RELCH: variants seen among roughly 807,000 people sequenced by gnomAD.
RELCH encodes RAB11-binding protein RELCH.
RELCH carries 41 observed loss-of-function variants against 150.3 expected under a neutral mutation model. The ratio of observed to expected loss-of-function variants is 0.27; its 90% CI spans 0.21 to 0.35. The LOEUF (loss-of-function observed/expected upper bound fraction) is 0.35, where lower values mean the gene tolerates loss of function less well. Among genes scored for constraint, RELCH ranks in the 10% least tolerant of loss-of-function variants. RELCH has a pLI of 1.00. For missense variants in RELCH, 1,092 were observed against 1,467.8 expected, an observed-to-expected ratio of 0.74 and a Z score of 4.18; for synonymous variants, 478 against 531.8, an observed-to-expected ratio of 0.90 and a Z score of 1.39.
At chr18:62,258,208 T>C (rs2043082119) in intron 14 of RELCH, 120 bp downstream of exon 14, 3 of 966,868 alleles carry the variant, frequency 3.1e-6, no homozygotes, top group Non-Finnish European at 4.5e-6. Flanking sequence ...ATGTCAACTT[T>C]AGTCATCTGG....
chr18:62,306,616 G>C lies in RELCH; in HGVS notation c.*1082G>C, dbSNP rs2045886107. ...TTAAAGTCAGTGACCTCCTGTGTTT[G>C]ATGTATATTACATAGAGTCTTAAGT... On this transcript the variant is annotated 3_prime_UTR_variant, in exon 29 of 29. Coordinates refer to ENST00000644646, the MANE Select transcript of RELCH (RefSeq NM_001346231.2). The C allele has an allele frequency of 6.6e-6, 1 of 152,552 alleles. No individual in the cohort carries two copies. The highest frequency in any genetic ancestry group is 2.4e-5 in the African/African-American group (1 of 41,426). The allele number at this position is 152,552 out of a possible 1,614,324, so 9.4% of individuals were successfully genotyped here.
chr18:62,231,605 TTACTC>T (rs2041583432), intron 9 of RELCH, among the ~76,000 whole-genome samples: 1 of 152,088 alleles, frequency 6.6e-6, no homozygotes, highest in Non-Finnish European at 1.5e-5. Context: ...TTTATTTAAA[TTACTC>T]TATTATTTTC....
chr18:62,215,074 A>C (rs1054316520), intron 2 of RELCH, among the ~76,000 whole-genome samples: 1 of 152,142 alleles, frequency 6.6e-6, no homozygotes, highest in African/African-American at 2.4e-5. Context: ...CTTTACATGG[A>C]CAGGCTGCAG....
chr18:62,284,505 C>T (rs1262194618), intron 25 of RELCH: 1 of 152,176 alleles, frequency 6.6e-6, no homozygotes, highest in Non-Finnish European at 1.5e-5. Flanking sequence ...TAAAAATTAG[C>T]CTTTTTTTCC....
intron 12 of RELCH, among the ~76,000 whole-genome samples, chr18:62,253,537 A>T (rs1240342390): frequency 1.3e-5 from 2 of 152,120 alleles, no homozygotes; most frequent in Non-Finnish European, 1.5e-5. Flanking sequence ...CCTTAAAAAG[A>T]TGTGTTTCCT....
chr18:62,222,819 G>T (rs1382911218), intron 5 of RELCH, among the ~76,000 whole-genome samples: 21 of 151,940 alleles, frequency 1.4e-4, no homozygotes. Context: ...CATATTATGG[G>T]TTATAAAACA....
Position 62,187,509 on chromosome 18 carries a change from G to C in RELCH, c.4G>C (p.Ala2Pro). Residue 2 changes from alanine to proline, a missense_variant, in exon 1 of 29, where the codon GCG becomes CCG. By Grantham distance (27) the Ala-to-Pro change is conservative (BLOSUM62 -1). Around this residue, in one of 4 missense-constraint regions of RELCH, gnomAD observed 138 missense variants for 124.8 expected, o/e 1.11. Transcript: ENST00000644646. M[A>P]AMAPGGSGSG... Reference sequence around the variant, plus strand: ...CCCACACTCCTGACAGGATAAGATGGCGGCGATGGCGCCTGGAGGTAGTGG... The same window carrying C: ...CCCACACTCCTGACAGGATAAGATGCCGGCGATGGCGCCTGGAGGTAGTGG... The C allele has an allele frequency of 6.6e-7, 1 of 1,513,738 alleles. No individual in the cohort carries two copies. Among genetic ancestry groups the C allele is most frequent in the Non-Finnish European group, 8.8e-7 (1 of 1,131,654 alleles). The allele number at this position is 1,513,738 out of a possible 1,614,324, so 93.8% of individuals were successfully genotyped here. A position where few individuals can be genotyped will look rare whatever the true frequency, so the allele number is the denominator to read the frequency against.
chr18:62,188,029 T>C lies in RELCH; in HGVS notation c.524T>C (p.Leu175Pro). The C allele has an allele frequency of 6.4e-7, 1 of 1,558,602 alleles. No individual in the cohort carries two copies. Among genetic ancestry groups the C allele is most frequent in the Non-Finnish European group, 8.7e-7 (1 of 1,152,412 alleles). The change falls in exon 1 of 29, where the codon CTC becomes CCC. Residue 175 changes from leucine (L) to proline (P), a missense_variant and splice_region_variant. By Grantham distance (98) the Leu-to-Pro change is moderately conservative. Coordinates refer to ENST00000644646, the MANE Select transcript of RELCH (RefSeq NM_001346231.2). The part of the protein sequence containing the change: ...EPSTASGGGQ[L>P]NRAGSISTLD... ...AGTACAGCGTCGGGCGGGGGACAGC[T>C]CAGTAAGTGGACGCAGCCTGTCACA...
intron 5 of RELCH, among the ~76,000 whole-genome samples, chr18:62,226,288 A>C (rs1229448528): frequency 6.6e-6 from 1 of 152,098 alleles, no homozygotes; most frequent in African/African-American, 2.4e-5. Context: ...TTCTCTACAG[A>C]ATGCTTAAGT....
chr18:62,256,240 T>C (rs74881139), intron 13 of RELCH, among the ~76,000 whole-genome samples: 1 of 152,118 alleles, frequency 6.6e-6, no homozygotes, highest in Non-Finnish European at 1.5e-5. Context: ...GACTTGGGTA[T>C]GTGGCAGACA....
chr18:62,277,313 C>A (rs765932082), intron 22 of RELCH, among the ~76,000 whole-genome samples: 1 of 152,040 alleles, frequency 6.6e-6, no homozygotes, highest in Non-Finnish European at 1.5e-5. Context: ...TGTTGATGAA[C>A]TTCTGGATCT....
intron 1 of RELCH, among the ~76,000 whole-genome samples, chr18:62,198,027 T>G (rs1416336805): frequency 6.6e-6 from 1 of 152,308 alleles, no homozygotes; most frequent in South Asian, 2.1e-4. Context: ...AGCCAGATAG[T>G]ACAAAATTGA....
intron 19 of RELCH, 70 bp from the exon 20 acceptor site, chr18:62,268,799 T>C: frequency 1.4e-6 from 1 of 736,738 alleles, no homozygotes; most frequent in Non-Finnish European, 2.1e-6. Context: ...TTAAATATAA[T>C]CGCATTATGA....
Position 62,298,859 on chromosome 18 carries a change from G to A in RELCH, c.3529G>A (p.Gly1177Ser). The change falls in exon 28 of 29, where the codon GGC (glycine) becomes AGC (serine). Residue 1177 changes from glycine to serine, a missense_variant and splice_region_variant. By Grantham distance (56) the Gly-to-Ser change is moderately conservative. Transcript: ENST00000644646. ...VENKTVQEPQGSMSIAASLVS... is the reference protein window; with the variant it reads ...VENKTVQEPQSSMSIAASLVS... ...AAACAAGACCGTCCAAGAGCCTCAA[G>A]GGTAAGACATTAATTCTTTTTTTAA... 6.5e-7 allele frequency: 1 copy of A among 1,540,102 alleles called. No individual in the cohort carries two copies. Among genetic ancestry groups the A allele is most frequent in the Non-Finnish European group, 8.9e-7 (1 of 1,126,700 alleles).
chr18:62,288,388 A>G (rs1300007031), intron 26 of RELCH, among the ~76,000 whole-genome samples: 1 of 152,152 alleles, frequency 6.6e-6, no homozygotes, highest in Non-Finnish European at 1.5e-5. Flanking sequence ...GGTAATTTTA[A>G]ATGAGATAAA....
intron 27 of RELCH, among the ~76,000 whole-genome samples, chr18:62,297,196 A>AGG (rs1866629767): frequency 6.6e-6 from 1 of 152,230 alleles, no homozygotes; most frequent in African/African-American, 2.4e-5. Context: ...AGTGACAGCT[A>AGG]GTTAATGATG....
chr18:62,290,528 T>C lies in RELCH; in HGVS notation c.3371-1015T>C, dbSNP rs142949411. Among the ~76,000 whole-genome samples, 935 of 152,142 alleles carry C rather than the reference T, an allele frequency of 6.1e-3. 5 individuals carry two copies. The highest frequency in any genetic ancestry group is 0.01 in the Non-Finnish European group (710 of 68,018). ...CCTGCGTGAGAAGAGCAAAAAATTCTGTTAAAAAAAAATATCTTTATAAGG... is the reference window on the plus strand; with the variant it reads ...CCTGCGTGAGAAGAGCAAAAAATTCCGTTAAAAAAAAATATCTTTATAAGG... On this transcript the variant is annotated intron_variant, in intron 26 of 28. Coordinates refer to ENST00000644646, the MANE Select transcript of RELCH (RefSeq NM_001346231.2).
intron 1 of RELCH, among the ~76,000 whole-genome samples, chr18:62,210,853 T>C (rs1480224561): frequency 6.6e-6 from 1 of 152,196 alleles, no homozygotes; most frequent in Admixed American, 6.5e-5. Context: ...GTAAACTCTT[T>C]CTTAGGTGGC....
rs760119918 is a variant in RELCH, at chr18:62,305,580, C to T, written c.*46C>T. The T allele has an allele frequency of 1.7e-5, 26 of 1,548,154 alleles. 1 individual carries two copies. In the South Asian group the frequency reaches 2.2e-4, roughly 13 times the overall value. ...GTAAACACTAAGATGGACCTCAAGC[C>T]GACTGGTTCCTTGTACTTGAAGTAC... On this transcript the variant is annotated 3_prime_UTR_variant, in exon 29 of 29. Coordinates refer to ENST00000644646, the MANE Select transcript of RELCH (RefSeq NM_001346231.2). The surrounding 1 kb of genome is among the most constrained non-coding windows in gnomAD (Gnocchi z 4.0).
Sources: allele counts gnomAD v4.1 joint callset (sites outside exome capture counted in the v4.1 genomes callset), GRCh38; gene constraint gnomAD v4.1.1; regional missense constraint gnomAD v4.1.1; non-coding constraint Gnocchi (gnomAD v3.1); transcripts MANE v1.5; gene names NCBI Gene and HGNC (gene_info 2026-07-23, HGNC 2026-07-21).